The following TLL1 variants were observed in gnomAD, a reference collection of about 807,000 sequenced individuals.
TLL1 encodes the protein tolloid-like protein 1.
A neutral mutation model predicts 128.2 loss-of-function variants in TLL1; 49 were observed. The observed-to-expected ratio is 0.38, with a 90% CI of 0.30 to 0.48. The LOEUF (loss-of-function observed/expected upper bound fraction) is 0.48. Ranked by LOEUF, TLL1 falls within the 20% of genes least tolerant of loss-of-function variation. The pLI is 0.96. For missense variants in TLL1, 1,123 were observed against 1,242.0 expected (o/e 0.90, Z 1.44); for synonymous variants, 454 against 418.8 (o/e 1.08, Z -1.03).
In TLL1 at chr4:165,921,132, C is replaced by T. The variant is rs568170131; in HGVS notation, c.169+47059C>T. On this transcript the variant is annotated intron_variant, in intron 1 of 20. Transcript: ENST00000061240. ...GCATCAGACCTGATAACCTGTCCTG[C>T]CTACCCTCCTGGGTTGTTATGGGGC... Among the ~76,000 whole-genome samples the T allele has an allele frequency of 3.9e-5, 6 of 152,284 alleles. No homozygotes were observed. The South Asian group carries it at 1.2e-3, about 32-fold the overall frequency.
At chr4:165,884,804 C>G (rs1243032135) in intron 1 of TLL1, among the ~76,000 whole-genome samples, 1 of 151,928 alleles carries the variant, frequency 6.6e-6, no homozygotes, top group Admixed American at 6.6e-5. Context: ...CCACTGCACT[C>G]CAGTCTGGGT....
intron 18 of TLL1, among the ~76,000 whole-genome samples, chr4:166,084,912 GT>G (rs57229144): frequency 2.3e-4 from 35 of 149,324 alleles, no homozygotes; most frequent in African/African-American, 7.6e-4. Context: ...ACATTTTAGT[GT>G]TTTTTTTTCT....
intron 1 of TLL1, among the ~76,000 whole-genome samples, chr4:165,970,253 T>C (rs1735573768): frequency 6.6e-6 from 1 of 152,196 alleles, no homozygotes; most frequent in Admixed American, 6.5e-5. Context: ...AAACATATTT[T>C]AAAATATTGT....
intron 1 of TLL1, among the ~76,000 whole-genome samples, chr4:165,941,489 T>TAG (rs956344467): frequency 2.0e-5 from 3 of 152,012 alleles, no homozygotes; most frequent in Non-Finnish European, 4.4e-5. Context: ...TGCAGAAGGT[T>TAG]AGAGAGAGAG....
At chr4:166,061,044 C>A (rs1171793453) in intron 15 of TLL1, among the ~76,000 whole-genome samples, 1 of 152,038 alleles carries the variant, frequency 6.6e-6, no homozygotes, top group African/African-American at 2.4e-5. Context: ...AATTAACCCA[C>A]AAAAAATATT....
At chr4:166,088,928 T>C (rs1216432220) in intron 18 of TLL1, among the ~76,000 whole-genome samples, 2 of 152,148 alleles carry the variant, frequency 1.3e-5, no homozygotes, top group East Asian at 1.9e-4. Flanking sequence ...CAGTCTTCAA[T>C]GGACCAATCA....
chr4:166,075,089 T>A (rs1355659373), intron 17 of TLL1, 86 bp downstream of exon 17: 1 of 1,564,918 alleles, frequency 6.4e-7, no homozygotes, highest in Non-Finnish European at 8.7e-7. Flanking sequence ...GAGTTAATCA[T>A]TTCAATGAGT....
chr4:166,036,880 T>G (rs1371033556), intron 9 of TLL1, among the ~76,000 whole-genome samples: 1 of 152,046 alleles, frequency 6.6e-6, no homozygotes, highest in Non-Finnish European at 1.5e-5. Context: ...ATGCACTTTT[T>G]AATTTTGGAT....
chr4:165,892,457 T>C (rs1731472423), intron 1 of TLL1, among the ~76,000 whole-genome samples: 1 of 152,200 alleles, frequency 6.6e-6, no homozygotes, highest in Admixed American at 6.5e-5. Flanking sequence ...CCAATTCCAA[T>C]TATCATGCTT....
At chr4:165,977,636 A>G (rs1027444775) in intron 1 of TLL1, among the ~76,000 whole-genome samples, 17 of 152,370 alleles carry the variant, frequency 1.1e-4, no homozygotes, top group Admixed American at 9.8e-4. Context: ...AATTAAATAC[A>G]TTTATTTAAG....
intron 1 of TLL1, among the ~76,000 whole-genome samples, chr4:165,888,413 A>G (rs1159050892): frequency 6.6e-6 from 1 of 152,130 alleles, no homozygotes. Flanking sequence ...CAATTTAGGC[A>G]TAGTCTATTC....
chr4:166,038,180 G>T (rs545841715), intron 9 of TLL1, among the ~76,000 whole-genome samples: 8 of 152,200 alleles, frequency 5.3e-5, no homozygotes, highest in African/African-American at 1.7e-4. Context: ...ATTCAGTATT[G>T]ATTATGTTTT....
chr4:166,042,078 G>C lies in TLL1; in HGVS notation c.1313G>C (p.Arg438Thr), dbSNP rs1254712205. The C allele has an allele frequency of 6.2e-7, 1 of 1,612,438 alleles. No individual in the cohort carries two copies. Among genetic ancestry groups the C allele is most frequent in the Non-Finnish European group, 8.5e-7 (1 of 1,178,806 alleles). Residue 438 changes from arginine to threonine, a missense_variant, in exon 11 of 21, where the codon AGA becomes ACA. By Grantham distance (71) the Arg-to-Thr change is moderately conservative (BLOSUM62 -1). Transcript: ENST00000061240. ...GAAGTTCTTACTTCTACAGACAGCAGAATGTGGATTGAGTTTCGTAGCAGC... is the reference window on the plus strand; with the variant it reads ...GAAGTTCTTACTTCTACAGACAGCACAATGTGGATTGAGTTTCGTAGCAGC... ...LPEVLTSTDS[R>T]MWIEFRSSSN...
intron 18 of TLL1, among the ~76,000 whole-genome samples, chr4:166,079,930 G>A (rs1393962649): frequency 2.0e-5 from 3 of 152,104 alleles, no homozygotes; most frequent in Non-Finnish European, 4.4e-5. Flanking sequence ...ATCTACTGAT[G>A]AATTTGTCAA....
chr4:165,944,699 C>G (rs528655581), intron 1 of TLL1, among the ~76,000 whole-genome samples: 1 of 151,810 alleles, frequency 6.6e-6, no homozygotes, highest in African/African-American at 2.4e-5. Context: ...TGTACAGTAT[C>G]CAGGGAAGAA....
intron 12 of TLL1, among the ~76,000 whole-genome samples, chr4:166,049,310 G>A (rs753247095): frequency 2.4e-4 from 36 of 152,088 alleles, no homozygotes; most frequent in Non-Finnish European, 2.2e-4. Flanking sequence ...AAAGAGAAGC[G>A]TCAGTATTCT....
intron 4 of TLL1, 149 bp from the exon 5 acceptor site, chr4:165,994,912 C>G: frequency 1.4e-6 from 1 of 695,552 alleles, no homozygotes; most frequent in East Asian, 2.5e-5. Flanking sequence ...TTAACAATGA[C>G]TCATTTGTGG....
chr4:165,955,302 C>A (rs1356082511), intron 1 of TLL1, among the ~76,000 whole-genome samples: 1 of 150,678 alleles, frequency 6.6e-6, no homozygotes, highest in African/African-American at 2.4e-5. Flanking sequence ...TATAAAGAGC[C>A]CAAATGTGTG....
At chr4:165,987,340 T>C (rs889230162) in intron 1 of TLL1, among the ~76,000 whole-genome samples, 4 of 152,146 alleles carry the variant, frequency 2.6e-5, no homozygotes, top group African/African-American at 9.6e-5. Context: ...TATATTATAA[T>C]TGGCAAAATA....
Sources: allele counts gnomAD v4.1 joint callset (sites outside exome capture counted in the v4.1 genomes callset), GRCh38; gene constraint gnomAD v4.1.1; transcripts MANE v1.5; gene names NCBI Gene and HGNC (gene_info 2026-07-23, HGNC 2026-07-21).